Variants in MED13L observed in about 807,000 individuals in gnomAD.
MED13L encodes mediator complex subunit 13L.
In MED13L, 7 loss-of-function variants were observed where a neutral mutation model predicts 220.9. The ratio of observed to expected loss-of-function variants is 0.03; its 90% CI spans 0.02 to 0.06. MED13L has a LOEUF of 0.06. MED13L is among the 10% of genes least tolerant of loss of function. The pLI, the probability that MED13L is intolerant of heterozygous loss-of-function variation, is 1.00. For missense variants in MED13L, 1,965 were observed against 2,760.5 expected, an observed-to-expected ratio of 0.71 and a Z score of 6.46; for synonymous variants, 1,011 against 1,015.2, an observed-to-expected ratio of 1.00 and a Z score of 0.08.
intron 2 of MED13L, among the ~76,000 whole-genome samples, chr12:116,117,312 C>T (rs577738076): frequency 4.1e-4 from 62 of 152,180 alleles, no homozygotes; most frequent in South Asian, 2.3e-3. Flanking sequence ...AAAGGGACAC[C>T]GGAAATTTGA....
At chr12:116,048,141 GAAC>G (rs1365396956) in intron 4 of MED13L, among the ~76,000 whole-genome samples, 7 of 151,484 alleles carry the variant, frequency 4.6e-5, no homozygotes, top group Non-Finnish European at 1.0e-4. Flanking sequence ...ACTACTCTCT[GAAC>G]AACCTGGGAA....
intron 2 of MED13L, among the ~76,000 whole-genome samples, chr12:116,180,308 C>T (rs1222934075): frequency 1.3e-5 from 2 of 152,132 alleles, no homozygotes; most frequent in Non-Finnish European, 2.9e-5. Flanking sequence ...TTTTTGAGTG[C>T]CAACATGATA....
intron 2 of MED13L, among the ~76,000 whole-genome samples, chr12:116,183,975 A>C (rs1880714491): frequency 1.3e-5 from 2 of 152,264 alleles, no homozygotes; most frequent in Admixed American, 6.5e-5. Flanking sequence ...GAAGCCAGCA[A>C]AGCTCCAAAT....
chr12:116,223,121 G>A (rs1426081265), intron 2 of MED13L, among the ~76,000 whole-genome samples: 4 of 152,130 alleles, frequency 2.6e-5, no homozygotes, highest in African/African-American at 7.2e-5. Context: ...CTCCAGTGTT[G>A]GACTGGAAAT....
chr12:116,049,428 T>C (rs1053852064), intron 4 of MED13L, among the ~76,000 whole-genome samples: 1 of 152,246 alleles, frequency 6.6e-6, no homozygotes, highest in Admixed American at 6.5e-5. Context: ...ACATAATTTT[T>C]TTAATACTGA....
chr12:116,259,973 A>G (rs1365396284), intron 1 of MED13L, among the ~76,000 whole-genome samples: 1 of 152,212 alleles, frequency 6.6e-6, no homozygotes, highest in Non-Finnish European at 1.5e-5. Flanking sequence ...TTACACTGTG[A>G]TTACATCTAT....
intron 4 of MED13L, among the ~76,000 whole-genome samples, chr12:116,067,945 A>G (rs530799686): frequency 7.2e-5 from 11 of 152,344 alleles, no homozygotes; most frequent in Admixed American, 3.9e-4. Flanking sequence ...TAGCTTATCC[A>G]AAGTGTTGGA....
chr12:115,984,430 A>G (rs1877549850), intron 19 of MED13L, 58 bp from the exon 20 acceptor site: 2 of 1,574,240 alleles, frequency 1.3e-6, no homozygotes, highest in Non-Finnish European at 1.7e-6. Flanking sequence ...ATTCAGTACC[A>G]ATGGTTAGCA....
At chr12:116,194,966 C>T (rs1342187514) in intron 2 of MED13L, among the ~76,000 whole-genome samples, 1 of 152,116 alleles carries the variant, frequency 6.6e-6, no homozygotes, top group African/African-American at 2.4e-5. Flanking sequence ...TCAGAAGGAA[C>T]CAGTGAAGGC....
intron 4 of MED13L, among the ~76,000 whole-genome samples, chr12:116,091,527 T>G (rs1305287701): frequency 1.3e-5 from 2 of 152,226 alleles, no homozygotes; most frequent in Non-Finnish European, 2.9e-5. Flanking sequence ...CTTTTTAAAA[T>G]TATAGCTACC....
intron 2 of MED13L, among the ~76,000 whole-genome samples, chr12:116,154,203 T>C (rs1878265194): frequency 6.6e-6 from 1 of 152,086 alleles, no homozygotes; most frequent in Non-Finnish European, 1.5e-5. Context: ...AATGTGGTGG[T>C]TTGCCAAAAC....
intron 2 of MED13L, among the ~76,000 whole-genome samples, chr12:116,231,308 T>C (rs999339576): frequency 6.6e-6 from 1 of 152,170 alleles, no homozygotes; most frequent in African/African-American, 2.4e-5. Flanking sequence ...ACCATCAATA[T>C]TGAGACAAAC....
At position 116,276,729 on chromosome 12, in the gene MED13L, G is replaced by T. The variant is rs1291200201; in HGVS notation, c.72+331C>A. The T allele has an allele frequency of 1.4e-5, 8 of 554,168 alleles. No homozygotes were observed. In the East Asian group the frequency reaches 3.9e-4, roughly 27 times the overall value. 34.3% of individuals were successfully genotyped at this position (554,168 alleles called of 1,614,324 possible). On this transcript the variant is annotated intron_variant, in intron 1 of 30. Transcript: ENST00000281928. The stretch of plus-strand genomic sequence containing the variant: ...CATTTACGGGGGGAAAAAAAGGGGG[G>T]AAAGGGGAGGAGAAGGGGAGTGCGA...
intron 2 of MED13L, chr12:116,230,435 T>C (rs1869445651): frequency 2.1e-6 from 2 of 966,648 alleles, no homozygotes; most frequent in South Asian, 9.6e-5. Flanking sequence ...AAACTTACTT[T>C]TCAGGTGCAC....
chr12:116,200,824 G>A (rs1001796022), intron 2 of MED13L, among the ~76,000 whole-genome samples: 2 of 152,086 alleles, frequency 1.3e-5, no homozygotes, highest in South Asian at 4.1e-4. Flanking sequence ...TTTTAATACA[G>A]GGCTAGAGAG....
chr12:116,175,488 T>C (rs1879984426), intron 2 of MED13L, among the ~76,000 whole-genome samples: 1 of 151,984 alleles, frequency 6.6e-6, no homozygotes, highest in Admixed American at 6.6e-5. Context: ...AAGAGAAAAA[T>C]TTAAACGGCA....
chr12:116,066,423 A>C (rs781237376), intron 4 of MED13L, among the ~76,000 whole-genome samples: 3 of 152,158 alleles, frequency 2.0e-5, no homozygotes, highest in Non-Finnish European at 2.9e-5. Context: ...GGATTAAGAG[A>C]ATGAAACTGG....
chr12:116,194,184 A>C (rs960478608), intron 2 of MED13L, among the ~76,000 whole-genome samples: 3 of 151,952 alleles, frequency 2.0e-5, no homozygotes, highest in African/African-American at 7.3e-5. Context: ...TTTTCTTTTG[A>C]GACAGAGTTT....
At chr12:116,173,377 A>T (rs1391041858) in intron 2 of MED13L, among the ~76,000 whole-genome samples, 2 of 152,170 alleles carry the variant, frequency 1.3e-5, no homozygotes, top group Non-Finnish European at 1.5e-5. Flanking sequence ...ACAGAGACAA[A>T]CTCAAGAAAC....
Sources: allele counts gnomAD v4.1 joint callset (sites outside exome capture counted in the v4.1 genomes callset), GRCh38; gene constraint gnomAD v4.1.1; transcripts MANE v1.5; gene names NCBI Gene and HGNC (gene_info 2026-07-23, HGNC 2026-07-21).